The following RPS6KC1 variants were observed in gnomAD, a reference collection of about 807,000 sequenced individuals.
RPS6KC1 encodes inactive ribosomal protein S6 kinase delta-1.
RPS6KC1 carries 54 observed loss-of-function variants against 103.8 expected under a neutral mutation model. The ratio of observed to expected loss-of-function variants is 0.52; its 90% CI spans 0.42 to 0.65. The LOEUF is 0.65. RPS6KC1 is among the 30% of genes least tolerant of loss of function. The pLI, the probability that RPS6KC1 is intolerant of heterozygous loss-of-function variation, is 0.00. For synonymous variants in RPS6KC1, 439 were observed against 438.7 expected, an observed-to-expected ratio of 1.00 and a Z score of -0.01; for missense variants, 1,151 against 1,253.8, an observed-to-expected ratio of 0.92 and a Z score of 1.24.
At chr1:213,837,096 A>G in the RPS6KC1 span, among the ~76,000 whole-genome samples, 1 of 152,142 alleles carries the variant, frequency 6.6e-6, no homozygotes, top group Non-Finnish European at 1.5e-5. Context: ...CAGTTCCTCA[A>G]TGGGAGCCCC....
chr1:213,176,404 C>T lies in RPS6KC1; in HGVS notation c.956C>T (p.Pro319Leu), dbSNP rs56369827. 17,960 of 1,597,210 alleles carry T rather than the reference C, an allele frequency of 0.011. 166 individuals carry two copies. Among genetic ancestry groups the T allele is most frequent in the Non-Finnish European group, 0.012 (14,019 of 1,167,480 alleles). The change falls in exon 8 of 15, where the codon CCA (proline) becomes CTA (leucine). Residue 319 changes from proline to leucine, a missense_variant. Pro to Leu is a moderately conservative substitution (Grantham distance 98, BLOSUM62 -3). Coordinates refer to ENST00000366960, the MANE Select transcript of RPS6KC1 (RefSeq NM_012424.6). ...ATCTTTGATATCTTCCATTAGCCTC[C>T]AGGATCACTAAGTTCAAGGCCCCTT... Reference protein sequence around the residue: ...KPQLDDVSQPPGSLSSRPLWN... With the variant: ...KPQLDDVSQPLGSLSSRPLWN...
chr1:213,537,190 G>T, the RPS6KC1 span, among the ~76,000 whole-genome samples: 1 of 152,130 alleles, frequency 6.6e-6, no homozygotes, highest in Non-Finnish European at 1.5e-5. Flanking sequence ...CTTGCGATAG[G>T]CAGGGGCTCA....
the RPS6KC1 span, among the ~76,000 whole-genome samples, chr1:213,602,104 CTT>C: frequency 6.4e-3 from 189 of 29,616 alleles, 2 homozygotes; most frequent in African/African-American, 0.016. Flanking sequence ...TTCTTTCTTT[CTT>C]TCTTTCTTTC....
the RPS6KC1 span, among the ~76,000 whole-genome samples, chr1:213,414,593 G>A: frequency 4.6e-5 from 7 of 152,178 alleles, no homozygotes; most frequent in African/African-American, 1.4e-4. Flanking sequence ...GCCTCCAGGA[G>A]GGACCAGCCC....
At chr1:213,205,536 T>TTATATTTATATATATATATATA (rs2093316911) in intron 8 of RPS6KC1, 1 of 82,292 alleles carries the variant, frequency 1.2e-5, no homozygotes, top group Non-Finnish European at 2.5e-5. Flanking sequence ...ACAAACTCAT[T>TTATATTTATATATATATATATA]TATATATATA....
At chr1:213,490,712 G>A in the RPS6KC1 span, among the ~76,000 whole-genome samples, 1 of 152,188 alleles carries the variant, frequency 6.6e-6, no homozygotes, top group African/African-American at 2.4e-5. Context: ...TAGTGTAGAA[G>A]TGCAGTGAAA....
chr1:213,258,957 T>C (rs549482773), intron 12 of RPS6KC1, among the ~76,000 whole-genome samples: 1 of 152,306 alleles, frequency 6.6e-6, no homozygotes, highest in South Asian at 2.1e-4. Context: ...ATCATTATTT[T>C]AGAGAATCCT....
chr1:213,845,689 A>G, the RPS6KC1 span, among the ~76,000 whole-genome samples: 1 of 152,298 alleles, frequency 6.6e-6, no homozygotes, highest in East Asian at 1.9e-4. Flanking sequence ...TAATACACCT[A>G]CAAGAGTTTT....
the RPS6KC1 span, among the ~76,000 whole-genome samples, chr1:213,715,491 C>A: frequency 1.3e-5 from 2 of 152,146 alleles, no homozygotes; most frequent in South Asian, 4.1e-4. Context: ...ACATTCAAAC[C>A]TTGCATTTGG....
At chr1:213,571,116 G>A in the RPS6KC1 span, among the ~76,000 whole-genome samples, 1 of 152,182 alleles carries the variant, frequency 6.6e-6, no homozygotes, top group Non-Finnish European at 1.5e-5. Flanking sequence ...TGCCTGTACA[G>A]ATGTGGCCTT....
At chr1:213,409,433 G>T in the RPS6KC1 span, among the ~76,000 whole-genome samples, 7 of 152,122 alleles carry the variant, frequency 4.6e-5, no homozygotes, top group East Asian at 9.7e-4. Context: ...CTGATCTTTG[G>T]CCAGAGGGAC....
At chr1:213,256,972 C>G (rs4655386) in intron 12 of RPS6KC1, among the ~76,000 whole-genome samples, 41,011 of 152,040 alleles carry the variant, frequency 0.27, 6,371 homozygotes, top group East Asian at 0.4. Flanking sequence ...TCTGAGGTTT[C>G]TTTGAAGTCT....
chr1:213,301,478 A>C, the RPS6KC1 span, among the ~76,000 whole-genome samples: 1 of 152,214 alleles, frequency 6.6e-6, no homozygotes, highest in East Asian at 1.9e-4. Flanking sequence ...ATGCAGTGAT[A>C]AACAAGGCAG....
the RPS6KC1 span, among the ~76,000 whole-genome samples, chr1:213,833,766 G>A: frequency 1.4e-4 from 21 of 152,296 alleles, no homozygotes; most frequent in South Asian, 3.5e-3. Context: ...TGCATGTAGC[G>A]GGCTGGGCTA....
chr1:213,182,654 C>G (rs1420743738), intron 8 of RPS6KC1, among the ~76,000 whole-genome samples: 1 of 150,694 alleles, frequency 6.6e-6, no homozygotes, highest in African/African-American at 2.4e-5. Flanking sequence ...GTTAAAAAAA[C>G]AGAGATTGAT....
At chr1:213,113,567 G>A (rs1330079861) in intron 4 of RPS6KC1, among the ~76,000 whole-genome samples, 1 of 151,364 alleles carries the variant, frequency 6.6e-6, no homozygotes, top group East Asian at 1.9e-4. Flanking sequence ...AGTTTAATTA[G>A]ATCCCATTTG....
chr1:213,334,289 A>G, the RPS6KC1 span, among the ~76,000 whole-genome samples: 2 of 152,170 alleles, frequency 1.3e-5, no homozygotes, highest in African/African-American at 4.8e-5. Flanking sequence ...GTGCTTCCAA[A>G]TTTTGTCAAA....
At chr1:213,305,207 C>T in the RPS6KC1 span, among the ~76,000 whole-genome samples, 1 of 152,116 alleles carries the variant, frequency 6.6e-6, no homozygotes, top group Non-Finnish European at 1.5e-5. Context: ...GCCTCAGCCT[C>T]CCGAGTAGCT....
chr1:213,839,361 G>A, the RPS6KC1 span, among the ~76,000 whole-genome samples: 1 of 152,210 alleles, frequency 6.6e-6, no homozygotes, highest in South Asian at 2.1e-4. Context: ...CCTGGGGCAA[G>A]GCTAGGATTG....
Sources: gnomAD v4.1 joint callset for allele counts (sites outside exome capture counted in the v4.1 genomes callset) on GRCh38, gnomAD v4.1.1 for gene constraint, MANE v1.5 for transcripts, NCBI Gene and HGNC (gene_info 2026-07-23, HGNC 2026-07-21) for gene names.